Variants in PLXDC2 observed in about 807,000 individuals in gnomAD.
The protein encoded by PLXDC2 is plexin domain-containing protein 2.
PLXDC2 carries 40 observed loss-of-function variants against 68.9 expected under a neutral mutation model. That is an observed-to-expected ratio of 0.58 (90% CI 0.45 to 0.76). PLXDC2 has a LOEUF of 0.76. PLXDC2 is among the 30% of genes least tolerant of loss of function. PLXDC2 has a pLI of 0.00. For synonymous variants in PLXDC2, 243 were observed against 234.2 expected, an observed-to-expected ratio of 1.04 and a Z score of -0.34; for missense variants, 644 against 661.9, an observed-to-expected ratio of 0.97 and a Z score of 0.30.
intron 5 of PLXDC2, among the ~76,000 whole-genome samples, chr10:20,146,698 T>C (rs1834086272): frequency 6.6e-6 from 1 of 152,144 alleles, no homozygotes; most frequent in Non-Finnish European, 1.5e-5. Context: ...GAAATACATT[T>C]CTTTACTTCA....
At chr10:20,187,996 A>G (rs1405363835) in intron 9 of PLXDC2, among the ~76,000 whole-genome samples, 2 of 151,864 alleles carry the variant, frequency 1.3e-5, no homozygotes, top group Non-Finnish European at 2.9e-5. Flanking sequence ...TTTATATTCA[A>G]TACTCAATTA....
chr10:19,848,572 A>T (rs928139621), intron 1 of PLXDC2, among the ~76,000 whole-genome samples: 2 of 152,218 alleles, frequency 1.3e-5, no homozygotes, highest in African/African-American at 4.8e-5. Context: ...TTGGAGGGAA[A>T]TGGCTAAAAT....
At chr10:19,943,161 T>A (rs1247282986) in intron 1 of PLXDC2, among the ~76,000 whole-genome samples, 2 of 152,188 alleles carry the variant, frequency 1.3e-5, no homozygotes, top group Admixed American at 6.5e-5. Flanking sequence ...AGGAGGATTC[T>A]GGAGCTGAAG....
At chr10:20,120,863 T>A (rs964053537) in intron 4 of PLXDC2, among the ~76,000 whole-genome samples, 23 of 152,284 alleles carry the variant, frequency 1.5e-4, no homozygotes, top group Admixed American at 8.5e-4. Context: ...GCTTGTGCTA[T>A]AGCATAGCCT....
intron 13 of PLXDC2, among the ~76,000 whole-genome samples, chr10:20,260,111 T>C (rs1253006088): frequency 6.6e-6 from 1 of 152,010 alleles, no homozygotes; most frequent in Non-Finnish European, 1.5e-5. Flanking sequence ...ACATTTTTGA[T>C]ATACATATAT....
rs527998924 is a variant in PLXDC2, at chr10:19,870,096, T to C, written c.112+52905T>C. On this transcript the variant is annotated intron_variant, in intron 1 of 13. Coordinates refer to ENST00000377252, the MANE Select transcript of PLXDC2 (RefSeq NM_032812.9). ...AGAGAAAGTAAGGATTTCTTTGTAA[T>C]GTTTTGCACAAATGCGACAAAGGGA... is the stretch of plus-strand genomic sequence containing the variant. Among the ~76,000 whole-genome samples the C allele has an allele frequency of 7.2e-5, 11 of 152,326 alleles. No homozygotes were observed. The East Asian group carries it at 2.1e-3, about 29-fold the overall frequency.
chr10:20,151,539 T>C (rs948925329), intron 6 of PLXDC2, among the ~76,000 whole-genome samples: 3 of 152,270 alleles, frequency 2.0e-5, no homozygotes. Context: ...AGAATTTAAT[T>C]TGATGATCCC....
At chr10:20,041,347 A>G (rs1325171592) in intron 2 of PLXDC2, among the ~76,000 whole-genome samples, 1 of 152,176 alleles carries the variant, frequency 6.6e-6, no homozygotes, top group African/African-American at 2.4e-5. Context: ...GAGATTGCAT[A>G]AACATTGTTA....
intron 1 of PLXDC2, among the ~76,000 whole-genome samples, chr10:19,913,791 A>G (rs1455464536): frequency 6.6e-6 from 1 of 152,154 alleles, no homozygotes; most frequent in Non-Finnish European, 1.5e-5. Flanking sequence ...TTTTTCTTAG[A>G]AAGTGTTTAT....
Position 20,263,994 on chromosome 10 carries a change from A to G in PLXDC2, c.1474-15709A>G, listed in dbSNP as rs73605620. Among the ~76,000 whole-genome samples the G allele has an allele frequency of 1.4e-3, 211 of 152,296 alleles. 2 individuals carry two copies. The highest frequency in any genetic ancestry group is 4.8e-3 in the African/African-American group (199 of 41,568). ...TACCAAGAGGAATATAAAGCATTCT[A>G]TCCTAAAGACACATGCACTCAAATG... On this transcript the variant is annotated intron_variant, in intron 13 of 13. Coordinates refer to ENST00000377252, the MANE Select transcript of PLXDC2 (RefSeq NM_032812.9).
At chr10:19,987,759 T>G (rs1228605975) in intron 1 of PLXDC2, among the ~76,000 whole-genome samples, 2 of 151,726 alleles carry the variant, frequency 1.3e-5, no homozygotes, top group Admixed American at 6.6e-5. Context: ...AGAGATGGGG[T>G]TTCACCTTGT....
At chr10:19,931,714 C>T (rs575417607) in intron 1 of PLXDC2, among the ~76,000 whole-genome samples, 1 of 152,162 alleles carries the variant, frequency 6.6e-6, no homozygotes, top group African/African-American at 2.4e-5. Flanking sequence ...GCCTTCCTGC[C>T]CCACAGGAGC....
At chr10:20,224,540 T>C (rs1813573754) in intron 12 of PLXDC2, among the ~76,000 whole-genome samples, 1 of 152,160 alleles carries the variant, frequency 6.6e-6, no homozygotes, top group Non-Finnish European at 1.5e-5. Context: ...GTCTTCAAAA[T>C]GCAAACTGGA....
At chr10:20,001,307 C>G (rs181379392) in intron 1 of PLXDC2, among the ~76,000 whole-genome samples, 63 of 152,358 alleles carry the variant, frequency 4.1e-4, no homozygotes, top group African/African-American at 1.5e-3. Flanking sequence ...ACACTGGTGT[C>G]TCTTTGCTGT....
chr10:19,851,420 A>G (rs1564609185), intron 1 of PLXDC2, among the ~76,000 whole-genome samples: 1 of 152,112 alleles, frequency 6.6e-6, no homozygotes, highest in Non-Finnish European at 1.5e-5. Context: ...CCCTCCTCAC[A>G]TGTTTTAGTA....
At chr10:19,844,625 G>T (rs1274493921) in intron 1 of PLXDC2, among the ~76,000 whole-genome samples, 1 of 150,362 alleles carries the variant, frequency 6.7e-6, no homozygotes. Context: ...TTTTGAGGTA[G>T]GGCTCTGTCG....
intron 6 of PLXDC2, among the ~76,000 whole-genome samples, chr10:20,154,703 G>C (rs562158601): frequency 6.6e-6 from 1 of 151,838 alleles, no homozygotes; most frequent in East Asian, 1.9e-4. Flanking sequence ...CTATTCTCTT[G>C]ATATACTTGG....
At chr10:20,073,975 T>C (rs1266929402) in intron 4 of PLXDC2, among the ~76,000 whole-genome samples, 1 of 152,090 alleles carries the variant, frequency 6.6e-6, no homozygotes, top group African/African-American at 2.4e-5. Flanking sequence ...GATGGGAGCA[T>C]GTGAGATGGG....
chr10:20,132,753 A>T (rs578076875), intron 4 of PLXDC2, among the ~76,000 whole-genome samples: 2 of 118,548 alleles, frequency 1.7e-5, no homozygotes, highest in Non-Finnish European at 3.5e-5. Flanking sequence ...TTTGTAAAGA[A>T]CATATAGTTT....
Sources: allele counts gnomAD v4.1 joint callset (sites outside exome capture counted in the v4.1 genomes callset), GRCh38; gene constraint gnomAD v4.1.1; transcripts MANE v1.5; gene names NCBI Gene and HGNC (gene_info 2026-07-23, HGNC 2026-07-21).